The following RECK variants were observed in gnomAD, a reference collection of about 807,000 sequenced individuals.
RECK encodes reversion inducing cysteine rich protein with kazal motifs.
A neutral mutation model predicts 115.1 loss-of-function variants in RECK; 69 were observed. That is an observed-to-expected ratio of 0.60 (90% CI 0.49 to 0.73). The LOEUF (loss-of-function observed/expected upper bound fraction) is 0.73. RECK is among the 30% of genes least tolerant of loss of function. The pLI is 0.00. For synonymous variants in RECK, 414 were observed against 419.7 expected, an observed-to-expected ratio of 0.99 and a Z score of 0.17; for missense variants, 1,047 against 1,203.7, an observed-to-expected ratio of 0.87 and a Z score of 1.93.
At chr9:36,059,388 G>A (rs1202059348) in intron 3 of RECK, among the ~76,000 whole-genome samples, 1 of 151,556 alleles carries the variant, frequency 6.6e-6, no homozygotes, top group Admixed American at 6.6e-5. Flanking sequence ...CCCAGGAGGC[G>A]GAGGTTGCAG....
intron 1 of RECK, among the ~76,000 whole-genome samples, chr9:36,039,537 G>T (rs2132541511): frequency 6.6e-6 from 1 of 152,290 alleles, no homozygotes; most frequent in African/African-American, 2.4e-5. Flanking sequence ...GGGGATGGAG[G>T]TGTGAAAGTG....
chr9:36,114,283 A>C (rs1419320533), intron 16 of RECK, among the ~76,000 whole-genome samples: 1 of 152,214 alleles, frequency 6.6e-6, no homozygotes, highest in Admixed American at 6.5e-5. Context: ...AATTTGATAA[A>C]CATCTAGCCA....
chr9:36,106,597 A>T (rs750295403), intron 13 of RECK, among the ~76,000 whole-genome samples: 4 of 152,052 alleles, frequency 2.6e-5, no homozygotes, highest in Non-Finnish European at 4.4e-5. Context: ...GTCTCAAAGG[A>T]TCATCTATAA....
chr9:36,061,393 T>TACACACACACACACAC (rs58265948), intron 4 of RECK, among the ~76,000 whole-genome samples: 2,729 of 129,046 alleles, frequency 0.021, 70 homozygotes, highest in Non-Finnish European at 0.031. Context: ...TGTAATTTTC[T>TACACACACACACACAC]ACACACACAC....
At chr9:36,116,865 G>GA in intron 16 of RECK, 120 bp from the exon 17 acceptor site, 1 of 739,604 alleles carries the variant, frequency 1.4e-6, no homozygotes, top group Non-Finnish European at 2.2e-6. Flanking sequence ...TTTGGAGACA[G>GA]GACTGTCCTG....
chr9:36,116,073 C>T (rs1587095604), intron 16 of RECK, among the ~76,000 whole-genome samples: 2 of 150,464 alleles, frequency 1.3e-5, no homozygotes, highest in East Asian at 3.9e-4. Flanking sequence ...GTATCAGATC[C>T]TCGGTCTTGT....
intron 6 of RECK, among the ~76,000 whole-genome samples, chr9:36,069,366 C>T (rs578115116): frequency 6.6e-6 from 1 of 151,298 alleles, no homozygotes; most frequent in South Asian, 2.1e-4. Context: ...ATGATGAAAC[C>T]CTGTCTCTAC....
At chr9:36,108,358 G>C (rs1415126287) in intron 14 of RECK, among the ~76,000 whole-genome samples, 194 bp downstream of exon 14, 1 of 152,112 alleles carries the variant, frequency 6.6e-6, no homozygotes, top group East Asian at 1.9e-4. Flanking sequence ...GGGGCTAATG[G>C]CTAATAATAA....
At chr9:36,085,197 G>A (rs879596788) in intron 8 of RECK, 13 of 227,698 alleles carry the variant, frequency 5.7e-5, no homozygotes, top group Non-Finnish European at 1.2e-4. Flanking sequence ...TTGCCAATGA[G>A]CAATTATTAC....
chr9:36,093,217 T>G (rs1347996715), intron 10 of RECK, among the ~76,000 whole-genome samples: 2 of 152,164 alleles, frequency 1.3e-5, no homozygotes, highest in Non-Finnish European at 2.9e-5. Context: ...TGCCTGCTGG[T>G]GTGAAAACAA....
chr9:36,068,926 T>C (rs942033017), intron 6 of RECK, among the ~76,000 whole-genome samples: 1 of 152,186 alleles, frequency 6.6e-6, no homozygotes, highest in Admixed American at 6.5e-5. Flanking sequence ...TTGTAAAACC[T>C]CAAGCTGAGA....
intron 2 of RECK, among the ~76,000 whole-genome samples, chr9:36,056,189 G>A (rs1209779378): frequency 6.6e-6 from 1 of 151,504 alleles, no homozygotes; most frequent in African/African-American, 2.4e-5. Context: ...AATCTCAATT[G>A]TCATATTATT....
At chr9:36,064,500 A>G (rs141338017) in intron 5 of RECK, among the ~76,000 whole-genome samples, 8 of 152,302 alleles carry the variant, frequency 5.3e-5, no homozygotes, top group African/African-American at 1.4e-4. Flanking sequence ...TAACTGGGAA[A>G]CTAGAAGTGG....
chr9:36,119,062 G>GT, intron 18 of RECK, 95 bp downstream of exon 18: 2 of 1,255,810 alleles, frequency 1.6e-6, no homozygotes, highest in African/African-American at 1.5e-5. Flanking sequence ...GCTCATTTAC[G>GT]TTTTTCAGAA....
intron 1 of RECK, among the ~76,000 whole-genome samples, chr9:36,045,090 G>A (rs1259993023): frequency 1.3e-5 from 2 of 152,154 alleles, no homozygotes; most frequent in African/African-American, 4.8e-5. Context: ...AACAAAATAT[G>A]TATCTATCCA....
intron 15 of RECK, 49 bp from the exon 16 acceptor site, chr9:36,112,256 G>T: frequency 6.4e-7 from 1 of 1,571,042 alleles, no homozygotes; most frequent in Non-Finnish European, 8.7e-7. Flanking sequence ...AATATAAGGG[G>T]AGGGGGAATA....
At chr9:36,068,044 A>C (rs1822078859) in intron 6 of RECK, among the ~76,000 whole-genome samples, 1 of 152,218 alleles carries the variant, frequency 6.6e-6, no homozygotes, top group Non-Finnish European at 1.5e-5. Flanking sequence ...AATCCTAAAA[A>C]GATAGCATTT....
chr9:36,120,636 G>T, intron 18 of RECK, 27 bp from the exon 19 acceptor site: 1 of 1,529,182 alleles, frequency 6.5e-7, no homozygotes, highest in South Asian at 1.1e-5. Context: ...AATTCTGAAC[G>T]CACATAAAAT....
intron 16 of RECK, among the ~76,000 whole-genome samples, chr9:36,116,348 G>A (rs937000545): frequency 5.9e-5 from 9 of 151,960 alleles, no homozygotes; most frequent in South Asian, 2.1e-4. Flanking sequence ...GGCTGGTCTC[G>A]ACTCCCGACC....
Sources: gnomAD v4.1 joint callset for allele counts (sites outside exome capture counted in the v4.1 genomes callset) on GRCh38, gnomAD v4.1.1 for gene constraint, MANE v1.5 for transcripts, NCBI Gene and HGNC (gene_info 2026-07-23, HGNC 2026-07-21) for gene names.